MYO7B: variants seen among roughly 807,000 people sequenced by gnomAD.
The protein encoded by MYO7B is myosin VIIB.
In MYO7B, 212 loss-of-function variants were observed where a neutral mutation model predicts 259.7. The ratio of observed to expected loss-of-function variants is 0.82; its 90% CI spans 0.73 to 0.91. The LOEUF is 0.91. MYO7B is among the 40% of genes least tolerant of loss of function. The pLI is 0.00. For missense variants in MYO7B, 2,732 were observed against 2,813.5 expected, an observed-to-expected ratio of 0.97 and a Z score of 0.66; for synonymous variants, 1,197 against 1,166.4, an observed-to-expected ratio of 1.03 and a Z score of -0.54.
At chr2:127,569,989 C>G (rs1396838955) in intron 6 of MYO7B, 79 bp downstream of exon 6, 5 of 1,463,600 alleles carry the variant, frequency 3.4e-6, no homozygotes, top group Non-Finnish European at 4.6e-6. Context: ...TGGGGAGGGA[C>G]AGGATAGGCC....
Position 127,622,087 on chromosome 2 carries a change from T to C in MYO7B, c.3631T>C (p.Trp1211Arg), listed in dbSNP as rs1325643996. ...TGGGGTGCGTGCGGAGCCCCCCACC[T>C]GGCTGGAGCTGCAGGTAGGGGCTGG... ...ANGVRAEPPT[W>R]LELQAVKSKK... The change falls in exon 28 of 48, where the codon TGG becomes CGG. Residue 1211 changes from tryptophan (W) to arginine (R), a missense_variant. Trp to Arg is a moderately radical substitution (Grantham distance 101). Coordinates refer to ENST00000409816, the MANE Select transcript of MYO7B (RefSeq NM_001393586.1). 6.5e-7 allele frequency: 1 copy of C among 1,549,460 alleles called. No individual in the cohort carries two copies.
At chr2:127,569,453 G>A (rs376521854) in intron 5 of MYO7B, among the ~76,000 whole-genome samples, 1 of 152,136 alleles carries the variant, frequency 6.6e-6, no homozygotes, top group South Asian at 2.1e-4. Flanking sequence ...TGGCCTGTGG[G>A]CCACCCTTTC....
Position 127,611,538 on chromosome 2 carries a change from C to G in MYO7B, c.3193-712C>G, listed in dbSNP as rs1680388763. ...AGTGAGCCCAGCAAGCCTCACTGCC[C>G]TCACGGACTTTGCCAGCTCATGTGT... On this transcript the variant is annotated intron_variant, in intron 24 of 47. Transcript: ENST00000409816. This position sits in a 1 kb window ranked among gnomAD's most constrained non-coding sequence, Gnocchi z 5.4. Among the ~76,000 whole-genome samples the G allele has an allele frequency of 6.6e-6, 1 of 152,182 alleles. No individual in the cohort carries two copies. The highest frequency in any genetic ancestry group is 1.5e-5 in the Non-Finnish European group (1 of 68,022).
Position 127,590,029 on chromosome 2 carries a change from A to G in MYO7B, c.1855-63A>G. 2.6e-6 allele frequency: 4 copies of G among 1,531,500 alleles called. No individual in the cohort carries two copies. The highest frequency in any genetic ancestry group is 1.2e-5 in the South Asian group (1 of 83,392). 94.9% of individuals were successfully genotyped at this position (1,531,500 alleles called of 1,614,324 possible). On this transcript the variant is annotated intron_variant, in intron 15 of 47. Coordinates refer to ENST00000409816, the MANE Select transcript of MYO7B (RefSeq NM_001393586.1). The surrounding 1 kb of genome is among the most constrained non-coding windows in gnomAD (Gnocchi z 4.6). ...TTGGCCGCAACCCTTGCTGGCCTAC[A>G]GGGTCAGCTGTCCCAGGACATGGCT...
rs755525079 is a variant in MYO7B, at chr2:127,627,989, T to G, written c.4461-383T>G. 9 of 473,982 alleles carry G rather than the reference T, an allele frequency of 1.9e-5. No homozygotes were observed. The highest frequency in any genetic ancestry group is 1.4e-4 in the South Asian group (9 of 64,726). 29.4% of individuals were successfully genotyped at this position (473,982 alleles called of 1,614,324 possible). A position where few individuals can be genotyped will look rare whatever the true frequency, so the allele number is the denominator to read the frequency against. On this transcript the variant is annotated intron_variant, in intron 33 of 47. Coordinates refer to ENST00000409816, the MANE Select transcript of MYO7B (RefSeq NM_001393586.1). The surrounding 1 kb of genome is among the most constrained non-coding windows in gnomAD (Gnocchi z 5.6). ...ACGAAGTACCGACAGCATCACCCAT[T>G]CTGCAGATGAGCGGATGAGTAAACT...
intron 5 of MYO7B, among the ~76,000 whole-genome samples, chr2:127,568,825 T>G: frequency 6.7e-6 from 1 of 148,230 alleles, no homozygotes; most frequent in Non-Finnish European, 1.5e-5. Flanking sequence ...GGAACTGGAG[T>G]GGGCGGAGGT....
At chr2:127,592,751 A>G in intron 16 of MYO7B, 43 bp from the exon 17 acceptor site, 2 of 1,583,054 alleles carry the variant, frequency 1.3e-6, no homozygotes, top group Non-Finnish European at 1.7e-6. Flanking sequence ...GGTGGCTGGA[A>G]AGTGGGGCTT....
At chr2:127,630,994 T>G (rs1573723484) in intron 36 of MYO7B, 86 bp downstream of exon 36, 2 of 1,405,644 alleles carry the variant, frequency 1.4e-6, no homozygotes, top group Non-Finnish European at 1.9e-6. Flanking sequence ...CCAGCCCCGC[T>G]CCACCTCATT....
At chr2:127,581,710 G>C (rs78387685) in intron 10 of MYO7B, among the ~76,000 whole-genome samples, 181 bp from the exon 11 acceptor site, 32 of 152,234 alleles carry the variant, frequency 2.1e-4, no homozygotes, top group Non-Finnish European at 4.0e-4. Context: ...TTGACCCACC[G>C]AGCTGGAGAA....
At chr2:127,541,392 C>T (rs1441742501) in intron 1 of MYO7B, among the ~76,000 whole-genome samples, 1 of 152,206 alleles carries the variant, frequency 6.6e-6, no homozygotes, top group Non-Finnish European at 1.5e-5. Context: ...GATGAACTGC[C>T]TCTGAATAAG....
At chr2:127,622,993 G>A (rs540464355) in intron 28 of MYO7B, among the ~76,000 whole-genome samples, 1 of 152,344 alleles carries the variant, frequency 6.6e-6, no homozygotes, top group African/African-American at 2.4e-5. Flanking sequence ...CCTGGTTGCT[G>A]TGCTTCCAGC....
rs1037549434 is a variant in MYO7B, at chr2:127,633,283, C to T, written c.5431C>T (p.His1811Tyr). 6.2e-7 allele frequency: 1 copy of T among 1,612,314 alleles called. No individual in the cohort carries two copies. ...GACGGGGCCCCGGAAGCAGCCCCCGCACCAGGTGGAGGTGGAGGCCGCAGA... is the reference window on the plus strand; with the variant it reads ...GACGGGGCCCCGGAAGCAGCCCCCGTACCAGGTGGAGGTGGAGGCCGCAGA... ...LRTGPRKQPP[H>Y]QVEVEAAEQN... is the part of the protein sequence containing the mutation. Residue 1811 changes from histidine to tyrosine, a missense_variant, in exon 40 of 48, where the codon CAC becomes TAC. By Grantham distance (83) the His-to-Tyr change is moderately conservative (BLOSUM62 2). This residue lies in a region of MYO7B where 821 missense variants were observed against 769.3 expected (regional missense o/e 1.07). Coordinates refer to ENST00000409816, the MANE Select transcript of MYO7B (RefSeq NM_001393586.1).
intron 17 of MYO7B, 129 bp downstream of exon 17, chr2:127,593,075 G>A: frequency 8.2e-7 from 1 of 1,222,742 alleles, no homozygotes; most frequent in Non-Finnish European, 1.1e-6. Flanking sequence ...GATGAGCCCT[G>A]TCCTTCCTCC....
Position 127,629,809 on chromosome 2 carries a change from C to A in MYO7B, c.4789C>A (p.Pro1597Thr). 6.4e-7 allele frequency: 1 copy of A among 1,569,858 alleles called. No individual in the cohort carries two copies. Among genetic ancestry groups the A allele is most frequent in the South Asian group, 1.2e-5 (1 of 85,376 alleles). ...CTACACCATCCCCACGGTCACTAAG[C>A]CCTCGGCACAGCTGCTGGTAACTGG... ...CLYTIPTVTK[P>T]SAQLLSLLAM... The change falls in exon 35 of 48, where the codon CCC (proline) becomes ACC (threonine). Residue 1597 changes from proline to threonine, a missense_variant. Physicochemically the swap from Pro to Thr is conservative, Grantham distance 38 (BLOSUM62 -1). Transcript: ENST00000409816.
chr2:127,588,259 A>C (rs755049295), intron 14 of MYO7B, 133 bp from the exon 15 acceptor site: 40 of 1,006,556 alleles, frequency 4.0e-5, no homozygotes, highest in Non-Finnish European at 5.5e-5. Flanking sequence ...GGTGGAGAGC[A>C]TGGCCGTAGT....
intron 1 of MYO7B, among the ~76,000 whole-genome samples, chr2:127,542,681 G>A (rs918580875): frequency 6.6e-6 from 1 of 152,172 alleles, no homozygotes; most frequent in Non-Finnish European, 1.5e-5. Flanking sequence ...AAAGAAAAGT[G>A]GGCCCAGGGG....
At chr2:127,592,196 C>T (rs1679583724) in intron 16 of MYO7B, among the ~76,000 whole-genome samples, 2 of 152,130 alleles carry the variant, frequency 1.3e-5, no homozygotes, top group South Asian at 4.1e-4. Flanking sequence ...GAGTTGGAGA[C>T]CAGCCTGGCC....
At chr2:127,588,893 ATGGATGGATGAG>A (rs1679415919) in intron 15 of MYO7B, among the ~76,000 whole-genome samples, 3 of 133,594 alleles carry the variant, frequency 2.2e-5, no homozygotes, top group African/African-American at 9.2e-5. Context: ...GGTTGGATGG[ATGGATGGATGAG>A]TGGATGGATG....
At chr2:127,538,303 G>A (rs1692870096) in intron 1 of MYO7B, among the ~76,000 whole-genome samples, 1 of 152,194 alleles carries the variant, frequency 6.6e-6, no homozygotes, top group Admixed American at 6.5e-5. Context: ...AACGTTCCAT[G>A]ATGATAGAAA....
Sources: allele counts gnomAD v4.1 joint callset (sites outside exome capture counted in the v4.1 genomes callset), GRCh38; gene constraint gnomAD v4.1.1; regional missense constraint gnomAD v4.1.1; non-coding constraint Gnocchi (gnomAD v3.1); transcripts MANE v1.5; gene names NCBI Gene and HGNC (gene_info 2026-07-23, HGNC 2026-07-21).